Variants in GPR176 observed in about 807,000 individuals in gnomAD.
GPR176 encodes G-protein coupled receptor 176.
In GPR176, 26 loss-of-function variants were observed where a neutral mutation model predicts 35.4. That is an observed-to-expected ratio of 0.74 (90% CI 0.54 to 1.02). The LOEUF (loss-of-function observed/expected upper bound fraction) is 1.02. Among genes scored for constraint, GPR176 ranks in the 50% least tolerant of loss-of-function variants. The pLI is 0.00. For missense variants in GPR176, 597 were observed against 665.3 expected (o/e 0.90, Z 1.13); for synonymous variants, 278 against 271.3 (o/e 1.02, Z -0.24).
At chr15:39,891,859 TA>T (rs1474791351) in intron 1 of GPR176, among the ~76,000 whole-genome samples, 1 of 152,098 alleles carries the variant, frequency 6.6e-6, no homozygotes, top group Non-Finnish European at 1.5e-5. Flanking sequence ...AAATTAAAAT[TA>T]AAAAATGATA....
intron 1 of GPR176, among the ~76,000 whole-genome samples, chr15:39,897,750 A>T (rs989599482): frequency 6.6e-6 from 1 of 152,112 alleles, no homozygotes; most frequent in African/African-American, 2.4e-5. Context: ...TATTATTTTT[A>T]AAAAATTATT....
intron 1 of GPR176, 47 bp from the exon 2 acceptor site, chr15:39,807,305 G>T: frequency 7.9e-7 from 1 of 1,268,708 alleles, no homozygotes. Context: ...AAAAATTTAA[G>T]AACTAAAAAA....
chr15:39,804,167 CA>C (rs910275412), intron 2 of GPR176, among the ~76,000 whole-genome samples: 26 of 152,176 alleles, frequency 1.7e-4, no homozygotes, highest in African/African-American at 6.0e-4. Flanking sequence ...TGTTGGGAAA[CA>C]GATTGCAACA....
Position 39,802,059 on chromosome 15 carries a change from C to G in GPR176, c.621G>C (p.Leu207=). The G allele has an allele frequency of 6.2e-7, 1 of 1,614,144 alleles. No individual in the cohort carries two copies. The highest frequency in any genetic ancestry group is 1.1e-5 in the South Asian group (1 of 91,074). The change falls in exon 3 of 3, where the codon CTG becomes CTC. Residue 207 remains leucine, a synonymous_variant. Transcript: ENST00000561100. ...SNSLGHLVYV[L]VYNITTVIVP... ...CAATGACCGTGGTGATGTTATACAC[C>G]AGAACGTACACCAGGTGGCCCAAGG...
intron 1 of GPR176, among the ~76,000 whole-genome samples, chr15:39,889,065 T>G (rs1371453311): frequency 6.6e-6 from 1 of 152,194 alleles, no homozygotes; most frequent in Non-Finnish European, 1.5e-5. Flanking sequence ...CAACAAACTT[T>G]CTAACTAAGC....
intron 1 of GPR176, among the ~76,000 whole-genome samples, chr15:39,860,259 C>T (rs2031506512): frequency 6.6e-6 from 1 of 152,210 alleles, no homozygotes; most frequent in Non-Finnish European, 1.5e-5. Flanking sequence ...CTGGTAAAGG[C>T]CGGGGTTCAG....
intron 1 of GPR176, among the ~76,000 whole-genome samples, chr15:39,829,788 C>CAG (rs1374666213): frequency 6.6e-6 from 1 of 152,092 alleles, no homozygotes; most frequent in Non-Finnish European, 1.5e-5. Context: ...AACAGGACAG[C>CAG]CTCTGCCTCT....
At chr15:39,904,071 A>G (rs1595520983) in intron 1 of GPR176, among the ~76,000 whole-genome samples, 2 of 152,124 alleles carry the variant, frequency 1.3e-5, no homozygotes, top group South Asian at 2.1e-4. Flanking sequence ...GGCATTTGTA[A>G]ACTGTCATGG....
intron 1 of GPR176, among the ~76,000 whole-genome samples, chr15:39,913,047 A>C (rs2140879472): frequency 6.6e-6 from 1 of 152,362 alleles, no homozygotes; most frequent in Non-Finnish European, 1.5e-5. Context: ...CAAAAAGTAG[A>C]AACAACCCAA....
intron 1 of GPR176, among the ~76,000 whole-genome samples, chr15:39,850,395 C>T (rs2030773973): frequency 6.6e-6 from 1 of 152,136 alleles, no homozygotes; most frequent in Admixed American, 6.6e-5. Flanking sequence ...TGCTTTCTCC[C>T]CAGGACTGGG....
chr15:39,893,877 T>C (rs1302694274), intron 1 of GPR176, among the ~76,000 whole-genome samples: 3 of 132,566 alleles, frequency 2.3e-5, no homozygotes, highest in African/African-American at 8.9e-5. Flanking sequence ...GCCCCTCACC[T>C]CCCGGACGGG....
In GPR176 at chr15:39,802,020, C is replaced by T; in HGVS notation, c.660G>A (p.Val220=). Reference sequence around the variant, plus strand: ...GGATCAGTATCAAGAAGAGGAACACCACCACCACAGGCACAATGACCGTGG... The same window carrying T: ...GGATCAGTATCAAGAAGAGGAACACTACCACCACAGGCACAATGACCGTGG... ...NITTVIVPVV[V]VFLFLILIRR... The change falls in exon 3 of 3, where the codon GTG becomes GTA. Residue 220 remains valine, a synonymous_variant. Transcript: ENST00000561100. The T allele has an allele frequency of 6.2e-7, 1 of 1,614,024 alleles. No individual in the cohort carries two copies. Among genetic ancestry groups the T allele is most frequent in the Middle Eastern group, 1.6e-4 (1 of 6,062 alleles).
chr15:39,864,984 AAAC>A (rs2031770202), intron 1 of GPR176, among the ~76,000 whole-genome samples: 1 of 152,034 alleles, frequency 6.6e-6, no homozygotes, highest in Admixed American at 6.5e-5. Context: ...ATGCAAATTA[AAAC>A]AACAATAAGA....
intron 1 of GPR176, among the ~76,000 whole-genome samples, chr15:39,910,110 A>C (rs2033536500): frequency 6.6e-6 from 1 of 152,240 alleles, no homozygotes. Context: ...TGAGAAAATA[A>C]GAACAGAAAA....
Position 39,842,367 on chromosome 15 carries a change from C to T in GPR176, c.173-35109G>A, listed in dbSNP as rs1034097504. Among the ~76,000 whole-genome samples the T allele has an allele frequency of 3.9e-5, 6 of 152,054 alleles. No homozygotes were observed. In the East Asian group the frequency reaches 7.7e-4, roughly 20 times the overall value. On this transcript the variant is annotated intron_variant, in intron 1 of 2. Coordinates refer to ENST00000561100, the MANE Select transcript of GPR176 (RefSeq NM_007223.3). ...AACTCTGTCACAAGACAGCATTAGG[C>T]GGATGGTGCTAAACCATTAGAAACC...
intron 1 of GPR176, among the ~76,000 whole-genome samples, chr15:39,831,899 A>AT (rs1901101061): frequency 6.6e-6 from 1 of 151,922 alleles, no homozygotes; most frequent in Admixed American, 6.6e-5. Context: ...CACTCTCAGT[A>AT]TTTTATCCCA....
At position 39,804,371 on chromosome 15, in the gene GPR176, C is replaced by A. The variant is rs567472320; in HGVS notation, c.426-2117G>T. 7.9e-5 allele frequency among the ~76,000 whole-genome samples: 12 copies of A among 152,328 alleles called. No homozygotes were observed. In the South Asian group the frequency reaches 2.5e-3, roughly 32 times the overall value. ...GTGGATGCTTGTAAGTAATTTGCAT[C>A]TGTGAATAACAAAATAGGAATTCAC... On this transcript the variant is annotated intron_variant, in intron 2 of 2. Coordinates refer to ENST00000561100, the MANE Select transcript of GPR176 (RefSeq NM_007223.3).
intron 1 of GPR176, among the ~76,000 whole-genome samples, chr15:39,879,436 C>A (rs952848958): frequency 6.6e-6 from 1 of 152,202 alleles, no homozygotes; most frequent in Admixed American, 6.5e-5. Context: ...AACTTCATCC[C>A]AAAGGTCTAT....
intron 1 of GPR176, among the ~76,000 whole-genome samples, chr15:39,824,978 G>A (rs573147517): frequency 6.6e-6 from 1 of 152,268 alleles, no homozygotes; most frequent in African/African-American, 2.4e-5. Flanking sequence ...GCCAAAGTGG[G>A]AGGACTACTT....
Sources: allele counts gnomAD v4.1 joint callset (sites outside exome capture counted in the v4.1 genomes callset), GRCh38; gene constraint gnomAD v4.1.1; transcripts MANE v1.5; gene names NCBI Gene and HGNC (gene_info 2026-07-23, HGNC 2026-07-21).